The following PCDHGB2 variants were observed in gnomAD, a reference collection of about 807,000 sequenced individuals.
The protein encoded by PCDHGB2 is protocadherin gamma subfamily B, 2.
PCDHGB2 carries 55 observed loss-of-function variants against 59.3 expected under a neutral mutation model. The ratio of observed to expected loss-of-function variants is 0.93; its 90% CI spans 0.75 to 1.16. PCDHGB2 has a LOEUF of 1.16. Among genes scored for constraint, PCDHGB2 ranks in the 50% most tolerant of loss-of-function variants. The pLI, the probability that PCDHGB2 is intolerant of heterozygous loss-of-function variation, is 0.00. For synonymous variants in PCDHGB2, 516 were observed against 512.0 expected (o/e 1.01, Z -0.11); for missense variants, 1,228 against 1,198.5 (o/e 1.02, Z -0.36).
intron 2 of PCDHGB2, among the ~76,000 whole-genome samples, chr5:141,495,601 G>C (rs1315613802): frequency 6.6e-6 from 1 of 152,004 alleles, no homozygotes; most frequent in Non-Finnish European, 1.5e-5. Context: ...CTTAGCTTCC[G>C]TCTTGATTGC....
intron 1 of PCDHGB2, chr5:141,384,316 T>C (rs1779949710): frequency 6.2e-7 from 1 of 1,613,858 alleles, no homozygotes; most frequent in Non-Finnish European, 8.5e-7. Context: ...CTCCATTTTC[T>C]TAGTGACTGC....
At chr5:141,389,330 C>A in intron 1 of PCDHGB2, 2 of 1,614,000 alleles carry the variant, frequency 1.2e-6, no homozygotes, top group Non-Finnish European at 1.7e-6. Context: ...TGGGGCCCAA[C>A]GGCCAAGTCT....
intron 1 of PCDHGB2, chr5:141,427,456 G>C (rs1172525843): frequency 2.0e-6 from 1 of 492,524 alleles, no homozygotes; most frequent in African/African-American, 1.9e-5. Flanking sequence ...GTTCCTTTTA[G>C]AATCGAATCT....
chr5:141,439,673 C>G (rs1468476569), intron 1 of PCDHGB2, among the ~76,000 whole-genome samples: 1 of 152,174 alleles, frequency 6.6e-6, no homozygotes, highest in Non-Finnish European at 1.5e-5. Flanking sequence ...AATGCAAATC[C>G]AAGAGCAGAC....
intron 1 of PCDHGB2, chr5:141,372,877 A>G: frequency 1.6e-6 from 2 of 1,270,298 alleles, no homozygotes; most frequent in Non-Finnish European, 2.1e-6. Flanking sequence ...TAGAGATAAA[A>G]AGAATACAGA....
At chr5:141,441,127 G>A (rs1224106490) in intron 1 of PCDHGB2, 2 of 152,138 alleles carry the variant, frequency 1.3e-5, no homozygotes, top group African/African-American at 2.4e-5. Context: ...AGTTGAGACC[G>A]AATTTCTAGA....
chr5:141,390,170 T>C lies in PCDHGB2; in HGVS notation c.2421+27614T>C, dbSNP rs773539625. 5 of 1,613,940 alleles carry C rather than the reference T, an allele frequency of 3.1e-6. No individual in the cohort carries two copies. In the African/African-American group the frequency reaches 6.7e-5, roughly 22 times the overall value. ...TTGCACATACAGGAAAGACGGAGTTTAATTTCCTAAAATGTAGTGAGCAGT... is the reference window on the plus strand; with the variant it reads ...TTGCACATACAGGAAAGACGGAGTTCAATTTCCTAAAATGTAGTGAGCAGT... On this transcript the variant is annotated intron_variant, in intron 1 of 3. Transcript: ENST00000522605.
rs753702657 is a variant in PCDHGB2 at position 141,415,195 on chromosome 5, C to G, written c.2421+52639C>G. ...CGTGGCCGTGGCCGACAGCATCCCC[C>G]AAGTCCTGGCGGACCTCGGCAGCTT... On this transcript the variant is annotated intron_variant, in intron 1 of 3. Transcript: ENST00000522605. 5 of 1,614,058 alleles carry G rather than the reference C, an allele frequency of 3.1e-6. No individual in the cohort carries two copies. The highest frequency in any genetic ancestry group is 1.1e-5 in the South Asian group (1 of 91,090).
At chr5:141,503,555 C>T (rs1010409481) in intron 2 of PCDHGB2, among the ~76,000 whole-genome samples, 2 of 148,816 alleles carry the variant, frequency 1.3e-5, no homozygotes, top group African/African-American at 5.0e-5. Context: ...GCCGAGATCG[C>T]GCCACTGTAC....
chr5:141,426,829 A>G, intron 1 of PCDHGB2: 2 of 456,716 alleles, frequency 4.4e-6, no homozygotes, highest in South Asian at 3.1e-5. Context: ...CTGATGATGG[A>G]CAAGACTAAA....
At chr5:141,405,389 T>A in intron 1 of PCDHGB2, 12 of 1,600,534 alleles carry the variant, frequency 7.5e-6, no homozygotes, top group Non-Finnish European at 8.5e-6. Context: ...GAGTTCATTT[T>A]TTTTCTTTCT....
intron 1 of PCDHGB2, chr5:141,399,027 A>G (rs1427563902): frequency 6.2e-7 from 1 of 1,613,788 alleles, no homozygotes; most frequent in Non-Finnish European, 8.5e-7. Context: ...TTACCACTCA[A>G]AAGAAACTGG....
chr5:141,376,549 T>C (rs757110514), intron 1 of PCDHGB2: 1 of 1,612,108 alleles, frequency 6.2e-7, no homozygotes, highest in East Asian at 2.2e-5. Context: ...AATCTGATCT[T>C]CCCGCAACCC....
At chr5:141,391,707 C>T (rs1004180070) in intron 1 of PCDHGB2, 1 of 152,154 alleles carries the variant, frequency 6.6e-6, no homozygotes, top group African/African-American at 2.4e-5. Context: ...CCAGGCTGGT[C>T]TTGAAGGGAA....
At chr5:141,495,437 C>T (rs2099761356) in intron 2 of PCDHGB2, among the ~76,000 whole-genome samples, 1 of 152,178 alleles carries the variant, frequency 6.6e-6, no homozygotes, top group East Asian at 1.9e-4. Flanking sequence ...GTCCTCTGCC[C>T]CTACTTGTCC....
At chr5:141,430,584 G>A (rs1451886397) in intron 1 of PCDHGB2, 3 of 495,136 alleles carry the variant, frequency 6.1e-6, no homozygotes, top group African/African-American at 5.9e-5. Flanking sequence ...GATCCTGCTC[G>A]CCTTGCACGC....
At chr5:141,495,591 C>G (rs2099762279) in intron 2 of PCDHGB2, among the ~76,000 whole-genome samples, 3 of 152,222 alleles carry the variant, frequency 2.0e-5, no homozygotes, top group African/African-American at 7.2e-5. Context: ...CCATCTCTGT[C>G]TTAGCTTCCG....
rs570765907 is a variant in PCDHGB2, at chr5:141,414,583, G to T, written c.2421+52027G>T. The T allele has an allele frequency of 5.6e-6, 9 of 1,613,854 alleles. No individual in the cohort carries two copies. In the South Asian group the frequency reaches 8.8e-5, roughly 16 times the overall value. On this transcript the variant is annotated intron_variant, in intron 1 of 3. Coordinates refer to ENST00000522605, the MANE Select transcript of PCDHGB2 (RefSeq NM_018923.3). Reference sequence around the variant, plus strand: ...CTTTACCTATATCCCAGAGAACAACGCCAGGGGTGCCTCCATCTTCTCAGT... The same window carrying T: ...CTTTACCTATATCCCAGAGAACAACTCCAGGGGTGCCTCCATCTTCTCAGT...
At position 141,489,062 on chromosome 5, in the gene PCDHGB2, C is replaced by G. The variant is rs1466124551; in HGVS notation, c.2422-5745C>G. Reference sequence around the variant, plus strand: ...GCTCCACTCAAATTCAGCTCCCCTCCCCCCTGCCCACCCCCGCCACTCGGT... The same window carrying G: ...GCTCCACTCAAATTCAGCTCCCCTCGCCCCTGCCCACCCCCGCCACTCGGT... On this transcript the variant is annotated intron_variant, in intron 1 of 3. Transcript: ENST00000522605. This position sits in a 1 kb window ranked among gnomAD's most constrained non-coding sequence, Gnocchi z 4.5. 5.3e-6 allele frequency: 2 copies of G among 378,914 alleles called. No homozygotes were observed. Among genetic ancestry groups the G allele is most frequent in the Non-Finnish European group, 9.5e-6 (2 of 209,830 alleles). 23.5% of individuals were successfully genotyped at this position (378,914 alleles called of 1,614,324 possible).
Sources: allele counts gnomAD v4.1 joint callset (sites outside exome capture counted in the v4.1 genomes callset), GRCh38; gene constraint gnomAD v4.1.1; non-coding constraint Gnocchi (gnomAD v3.1); transcripts MANE v1.5; gene names NCBI Gene and HGNC (gene_info 2026-07-23, HGNC 2026-07-21).